The following CDK5RAP2 variants were observed in gnomAD, a reference collection of about 807,000 sequenced individuals.
The protein encoded by CDK5RAP2 is CDK5 regulatory subunit associated protein 2, also known as CDK5 regulatory subunit-associated protein 2.
CDK5RAP2 carries 147 observed loss-of-function variants against 232.9 expected under a neutral mutation model. The observed-to-expected ratio is 0.63, with a 90% CI of 0.55 to 0.72. The LOEUF is 0.72. Among genes scored for constraint, CDK5RAP2 ranks in the 30% least tolerant of loss-of-function variants. The pLI, the probability that CDK5RAP2 is intolerant of heterozygous loss-of-function variation, is 0.00. For synonymous variants in CDK5RAP2, 833 were observed against 833.7 expected (o/e 1.00, Z 0.01); for missense variants, 2,195 against 2,231.5 (o/e 0.98, Z 0.33).
At chr9:120,570,418 C>A (rs921251552) in intron 2 of CDK5RAP2, among the ~76,000 whole-genome samples, 1 of 152,218 alleles carries the variant, frequency 6.6e-6, no homozygotes, top group African/African-American at 2.4e-5. Flanking sequence ...TTGCTCCTGA[C>A]ACTGACCATA....
chr9:120,424,972 C>G (rs942761832), intron 25 of CDK5RAP2, among the ~76,000 whole-genome samples: 5 of 152,176 alleles, frequency 3.3e-5, no homozygotes, highest in Admixed American at 3.3e-4. Context: ...GCTAGGATTA[C>G]AGGCGTGAGC....
intron 25 of CDK5RAP2, among the ~76,000 whole-genome samples, chr9:120,435,004 C>T (rs886097068): frequency 4.6e-5 from 7 of 152,042 alleles, no homozygotes; most frequent in Non-Finnish European, 1.0e-4. Flanking sequence ...TGGAATCATG[C>T]TAATGTTATA....
rs566536271 is a variant in CDK5RAP2 at position 120,546,614 on chromosome 9, C to CTTTTGTTTTTTTGTTT, written c.307-840_307-825dup. On this transcript the variant is annotated intron_variant, in intron 4 of 37. Coordinates refer to ENST00000349780, the MANE Select transcript of CDK5RAP2 (RefSeq NM_018249.6). ...AATCTACAATTTATTGGAAATCTCC[C>CTTTTGTTTTTTTGTTT]TTTTGTTTTTTTGTTTTTTTGTTTT... Among the ~76,000 whole-genome samples, 5 of 152,208 alleles carry CTTTTGTTTTTTTGTTT rather than the reference C, an allele frequency of 3.3e-5. No individual in the cohort carries two copies. In the East Asian group the frequency reaches 9.6e-4, roughly 29 times the overall value.
chr9:120,472,020 A>G (rs1262873259), intron 15 of CDK5RAP2, 142 bp from the exon 16 acceptor site: 1 of 1,048,618 alleles, frequency 9.5e-7, no homozygotes, highest in African/African-American at 1.6e-5. Flanking sequence ...ACTATAGAGA[A>G]TTTTAAATAC....
chr9:120,478,033 G>A (rs969727897), intron 14 of CDK5RAP2, among the ~76,000 whole-genome samples: 5 of 152,220 alleles, frequency 3.3e-5, no homozygotes, highest in African/African-American at 1.2e-4. Flanking sequence ...CCTCATTTAT[G>A]AAATGTGGAT....
intron 18 of CDK5RAP2, 31 bp from the exon 19 acceptor site, chr9:120,460,698 C>G (rs755272928): frequency 1.2e-6 from 2 of 1,612,998 alleles, no homozygotes; most frequent in Non-Finnish European, 1.7e-6. Flanking sequence ...TGTGAAAATG[C>G]AACCCAAAAA....
At chr9:120,455,794 G>A (rs531292409) in intron 20 of CDK5RAP2, among the ~76,000 whole-genome samples, 7 of 151,684 alleles carry the variant, frequency 4.6e-5, no homozygotes, top group Non-Finnish European at 7.4e-5. Context: ...GAGAATGGAC[G>A]GAGAGGCCTT....
At chr9:120,565,644 C>T (rs954471233) in intron 3 of CDK5RAP2, among the ~76,000 whole-genome samples, 2 of 152,196 alleles carry the variant, frequency 1.3e-5, no homozygotes, top group Non-Finnish European at 2.9e-5. Context: ...TCATCAAACC[C>T]TGTCATGCCT....
In CDK5RAP2 at chr9:120,408,133, G is replaced by T. The variant is rs112120549; in HGVS notation, c.4726+214C>A. On this transcript the variant is annotated intron_variant, in intron 31 of 37. Coordinates refer to ENST00000349780, the MANE Select transcript of CDK5RAP2 (RefSeq NM_018249.6). ...ACAAGTGAGTGGGAACCCGGACCTC[G>T]GCTGGCCTGGGTGCTGAGCCTCAGT... 679 of 603,910 alleles carry T rather than the reference G, an allele frequency of 1.1e-3. 6 individuals carry two copies. Among genetic ancestry groups the T allele is most frequent in the African/African-American group, 0.011 (602 of 54,852 alleles). 37.4% of individuals were successfully genotyped at this position (603,910 alleles called of 1,614,324 possible).
intron 12 of CDK5RAP2, among the ~76,000 whole-genome samples, chr9:120,499,623 C>T (rs1395275992): frequency 6.6e-6 from 1 of 151,992 alleles, no homozygotes; most frequent in Non-Finnish European, 1.5e-5. Context: ...TCCAAACAGC[C>T]AGACCAAGAA....
rs760784427 is a variant in CDK5RAP2, at chr9:120,453,831, T to C, written c.2418A>G (p.Gln806=). ...AAACTTCCTGCTCTGTCAAGAATAG[T>C]TGTCCCAGAAGCAGTTCCCGTACCA... The part of the protein sequence containing the change: ...LKVVRELLLG[Q]LFLTEQEVSG... The change falls in exon 21 of 38, where the codon CAA becomes CAG. Residue 806 remains glutamine, a synonymous_variant. Coordinates refer to ENST00000349780, the MANE Select transcript of CDK5RAP2 (RefSeq NM_018249.6). The C allele has an allele frequency of 1.1e-5, 18 of 1,614,086 alleles. No individual in the cohort carries two copies. In the African/African-American group the frequency reaches 2.1e-4, roughly 19 times the overall value.
At chr9:120,483,795 T>G (rs555958219) in intron 14 of CDK5RAP2, among the ~76,000 whole-genome samples, 3 of 152,338 alleles carry the variant, frequency 2.0e-5, no homozygotes, top group East Asian at 3.9e-4. Flanking sequence ...GTTTCCTTAA[T>G]GACTTGAAGG....
At chr9:120,402,690 C>T in intron 34 of CDK5RAP2, 116 bp downstream of exon 34, 1 of 1,182,628 alleles carries the variant, frequency 8.5e-7, no homozygotes, top group Non-Finnish European at 1.2e-6. Context: ...GGCCACACTT[C>T]CTGGTCCCTC....
chr9:120,519,088 C>T (rs2040499437), intron 11 of CDK5RAP2, among the ~76,000 whole-genome samples: 1 of 151,710 alleles, frequency 6.6e-6, no homozygotes, highest in African/African-American at 2.4e-5. Context: ...AGGCAGAGAA[C>T]TGCATGAACC....
At chr9:120,408,316 A>T (rs1413525357) in intron 31 of CDK5RAP2, 31 bp downstream of exon 31, 7 of 1,613,056 alleles carry the variant, frequency 4.3e-6, no homozygotes, top group Non-Finnish European at 8.5e-7. Flanking sequence ...CCCAAAGCAC[A>T]GTAGCCTCAA....
chr9:120,474,813 T>A (rs1238385598), intron 15 of CDK5RAP2, among the ~76,000 whole-genome samples: 1 of 152,180 alleles, frequency 6.6e-6, no homozygotes, highest in East Asian at 1.9e-4. Flanking sequence ...TCACAGTACA[T>A]CATCTGTCTT....
At position 120,470,214 on chromosome 9, in the gene CDK5RAP2, G is replaced by T; in HGVS notation, c.1865C>A (p.Ser622Ter). Reference protein sequence around the residue: ...ISEIRRREEESFSLYSDQTSY... With the variant: ...ISEIRRREEE ...TGTTTGATCACTATAAAGTGAAAAT[G>T]ATTCTTCTGCCCAAAAAAGAAAAAA... Residue 622 changes from serine (S) to a stop codon, truncating the protein, a stop_gained, in exon 17 of 38, where the codon TCA (serine) becomes TAA (stop). Transcript: ENST00000349780. LOFTEE classifies it high-confidence loss of function. 6.7e-7 allele frequency: 1 copy of T among 1,498,576 alleles called. No homozygotes were observed. 92.8% of individuals were successfully genotyped at this position (1,498,576 alleles called of 1,614,324 possible).
At chr9:120,440,676 A>T (rs1053604487) in intron 23 of CDK5RAP2, among the ~76,000 whole-genome samples, 1 of 152,210 alleles carries the variant, frequency 6.6e-6, no homozygotes, top group Non-Finnish European at 1.5e-5. Context: ...ATCTGAATGT[A>T]GCTCTCCCTC....
intron 5 of CDK5RAP2, among the ~76,000 whole-genome samples, chr9:120,540,091 C>T (rs971884236): frequency 1.3e-5 from 2 of 152,198 alleles, no homozygotes; most frequent in Non-Finnish European, 2.9e-5. Context: ...ACAGAGTACA[C>T]ACTGCTAGAG....
Sources: allele counts gnomAD v4.1 joint callset (sites outside exome capture counted in the v4.1 genomes callset), GRCh38; gene constraint gnomAD v4.1.1; transcripts MANE v1.5; gene names NCBI Gene and HGNC (gene_info 2026-07-23, HGNC 2026-07-21).